The following ARHGEF9 variants were observed in gnomAD, a reference collection of about 807,000 sequenced individuals.
ARHGEF9 encodes the protein Cdc42 guanine nucleotide exchange factor 9.
A neutral mutation model predicts 41.3 loss-of-function variants in ARHGEF9; 2 were observed. That is an observed-to-expected ratio of 0.05 (90% CI 0.02 to 0.15). The LOEUF (loss-of-function observed/expected upper bound fraction) is 0.15. Among genes scored for constraint, ARHGEF9 ranks in the 10% least tolerant of loss-of-function variants. ARHGEF9 has a pLI of 1.00. For synonymous variants in ARHGEF9, 160 were observed against 154.4 expected, an observed-to-expected ratio of 1.04 and a Z score of -0.27; for missense variants, 225 against 424.7, an observed-to-expected ratio of 0.53 and a Z score of 4.13.
At position 63,779,161 on chromosome X, in the gene ARHGEF9, C is replaced by T. The variant is rs138288638; in HGVS notation, c.30+5955G>A. 7.6e-3 allele frequency among the ~76,000 whole-genome samples: 850 copies of T among 111,773 alleles called. 10 individuals are homozygous for T. The highest frequency in any genetic ancestry group is 0.026 in the African/African-American group (797 of 30,734). Reference sequence around the variant, plus strand: ...TTCTGAGCCCTCCAAACTGTTCCAACCTCTGCCCGTTACCCGGTTCCAAAG... The same window carrying T: ...TTCTGAGCCCTCCAAACTGTTCCAATCTCTGCCCGTTACCCGGTTCCAAAG... On this transcript the variant is annotated intron_variant, in intron 1 of 9. Transcript: ENST00000671741.
At chrX:63,731,192 C>T in intron 1 of ARHGEF9, among the ~76,000 whole-genome samples, 2 of 112,026 alleles carry the variant, frequency 1.8e-5, no homozygotes, top group Middle Eastern at 9.3e-3. Flanking sequence ...ATGAGGTTTT[C>T]TCAGGTTGGT....
chrX:63,769,494 G>A (rs1416946708), intron 1 of ARHGEF9, among the ~76,000 whole-genome samples: 7 of 112,162 alleles, frequency 6.2e-5, no homozygotes, highest in Non-Finnish European at 1.1e-4. Context: ...AGAAATTTGC[G>A]TAAGTAACAA....
In ARHGEF9 at chrX:63,645,021, C is replaced by T. The variant is rs1476276064; in HGVS notation, c.1322-973G>A. On this transcript the variant is annotated intron_variant, in intron 8 of 9. Coordinates refer to ENST00000671741, the MANE Select transcript of ARHGEF9 (RefSeq NM_001353921.2). ...AATTCCTGGGCTCAAACGATCCTCC[C>T]ACCTCAGCCTCCCAAAATGCTAGGA... 2.7e-5 allele frequency among the ~76,000 whole-genome samples: 3 copies of T among 109,781 alleles called. No homozygotes were observed. The Admixed American group carries it at 2.9e-4, about 11-fold the overall frequency.
rs782603591 is a variant in ARHGEF9 at position 63,685,058 on chromosome X, A to T, written c.583-6486T>A. On this transcript the variant is annotated intron_variant, in intron 4 of 9. Transcript: ENST00000671741. ...AAAGTCTAGAGATCTAACCTACAGCATGGGGACTAGAGTCAACATTATTGT... is the reference window on the plus strand; with the variant it reads ...AAAGTCTAGAGATCTAACCTACAGCTTGGGGACTAGAGTCAACATTATTGT... 2.7e-5 allele frequency among the ~76,000 whole-genome samples: 3 copies of T among 111,092 alleles called. No homozygotes were observed. The South Asian group carries it at 1.1e-3, about 42-fold the overall frequency.
rs782752298 is a variant in ARHGEF9, at chrX:63,645,941, C to T, written c.1322-1893G>A. 2.7e-5 allele frequency among the ~76,000 whole-genome samples: 3 copies of T among 112,022 alleles called. No homozygotes were observed. In the East Asian group the frequency reaches 8.5e-4, roughly 32 times the overall value. On this transcript the variant is annotated intron_variant, in intron 8 of 9. Coordinates refer to ENST00000671741, the MANE Select transcript of ARHGEF9 (RefSeq NM_001353921.2). Reference sequence around the variant, plus strand: ...CCATTCCAACTGGAGTGAGATGGTACCTCATTGTCGTTTTGATCTGCATTT... The same window carrying T: ...CCATTCCAACTGGAGTGAGATGGTATCTCATTGTCGTTTTGATCTGCATTT...
At chrX:63,653,592 A>G (rs1292069306) in intron 8 of ARHGEF9, among the ~76,000 whole-genome samples, 5 of 111,072 alleles carry the variant, frequency 4.5e-5, no homozygotes, top group African/African-American at 1.6e-4. Context: ...ACAAGGTAAT[A>G]TATATAATAT....
At chrX:63,755,324 C>T in intron 1 of ARHGEF9, 1 of 758,055 alleles carries the variant, frequency 1.3e-6, no homozygotes, top group Non-Finnish European at 1.7e-6. Flanking sequence ...CAAGCTCGCT[C>T]TCCCCAGACC....
At chrX:63,647,099 G>T (rs1157163695) in intron 8 of ARHGEF9, among the ~76,000 whole-genome samples, 6 of 111,991 alleles carry the variant, frequency 5.4e-5, no homozygotes, top group African/African-American at 1.9e-4. Flanking sequence ...AGACTTTGCT[G>T]AAGTTGCTTA....
chrX:63,691,216 A>C (rs2051325160), intron 4 of ARHGEF9, among the ~76,000 whole-genome samples: 1 of 111,629 alleles, frequency 9.0e-6, no homozygotes, highest in African/African-American at 3.2e-5. Flanking sequence ...CAGATGATAT[A>C]ATCTTATATT....
Position 63,674,102 on chromosome X carries a change from C to T in ARHGEF9, c.881G>A (p.Arg294His), listed in dbSNP as rs2050116764. The change falls in exon 6 of 10, where the codon CGC becomes CAC. Residue 294 changes from arginine to histidine, a missense_variant. Transcript: ENST00000671741. ...MRNVTQQINE[R>H]KRRLENIDKI... ...GTCAATATTCTCTAAACGTCGCTTG[C>T]GTTCGTTGATCTGCTGAGTCACATT... 8.3e-7 allele frequency: 1 copy of T among 1,210,725 alleles called. No homozygotes were observed. Among genetic ancestry groups the T allele is most frequent in the Non-Finnish European group, 1.1e-6 (1 of 894,776 alleles).
intron 1 of ARHGEF9, chrX:63,766,892 G>T: frequency 2.6e-6 from 1 of 383,705 alleles, no homozygotes. Flanking sequence ...AAACAATCAT[G>T]GGCCAGGAAA....
chrX:63,764,046 G>A (rs1309099199), intron 1 of ARHGEF9, among the ~76,000 whole-genome samples: 1 of 111,719 alleles, frequency 9.0e-6, no homozygotes, highest in Non-Finnish European at 1.9e-5. Context: ...ACAGAATGGA[G>A]GAACATTGTT....
At chrX:63,729,637 A>C (rs181700677) in intron 1 of ARHGEF9, among the ~76,000 whole-genome samples, 17 of 112,444 alleles carry the variant, frequency 1.5e-4, no homozygotes, top group Admixed American at 3.8e-4. Flanking sequence ...CCTATCATAA[A>C]GCCAGAAGAT....
chrX:63,674,134 G>A lies in ARHGEF9; in HGVS notation c.849C>T (p.Val283=). ...TGATCTGCTGAGTCACATTTCTCAT[G>A]ACAGCCAAAGCAGCTGCCACATACC... ...DYRYVAAALA[V]MRNVTQQINE... Residue 283 remains valine, a synonymous_variant, in exon 6 of 10, where the codon GTC becomes GTT. Coordinates refer to ENST00000671741, the MANE Select transcript of ARHGEF9 (RefSeq NM_001353921.2). 8.3e-7 allele frequency: 1 copy of A among 1,210,806 alleles called. No individual in the cohort carries two copies.
intron 6 of ARHGEF9, among the ~76,000 whole-genome samples, chrX:63,670,906 G>A (rs1556354762): frequency 3.6e-5 from 4 of 111,955 alleles, no homozygotes; most frequent in East Asian, 2.8e-4. Context: ...GAATGTTCAC[G>A]GAATAAGCTA....
intron 1 of ARHGEF9, among the ~76,000 whole-genome samples, chrX:63,774,153 T>C (rs2056251588): frequency 9.0e-6 from 1 of 110,604 alleles, no homozygotes. Context: ...CCTTTACTAA[T>C]ACAAGGTATT....
At position 63,776,500 on chromosome X, in the gene ARHGEF9, G is replaced by A. The variant is rs1375248981; in HGVS notation, c.30+8616C>T. On this transcript the variant is annotated intron_variant, in intron 1 of 9. Transcript: ENST00000671741. ...TACCACCAAACACTATTCTTCATTTGATATTTTCCTAACAATTTAAAAATG... is the reference window on the plus strand; with the variant it reads ...TACCACCAAACACTATTCTTCATTTAATATTTTCCTAACAATTTAAAAATG... Among the ~76,000 whole-genome samples, 6 of 111,920 alleles carry A rather than the reference G, an allele frequency of 5.4e-5. No individual in the cohort carries two copies. The East Asian group carries it at 1.7e-3, about 31-fold the overall frequency.
intron 3 of ARHGEF9, among the ~76,000 whole-genome samples, chrX:63,701,848 T>C (rs2052205279): frequency 1.8e-5 from 2 of 111,880 alleles, no homozygotes; most frequent in Admixed American, 9.5e-5. Flanking sequence ...GTAGGGCCTA[T>C]GGCAGGCAGA....
intron 2 of ARHGEF9, among the ~76,000 whole-genome samples, chrX:63,706,712 A>G (rs1323927431): frequency 1.8e-5 from 2 of 111,869 alleles, no homozygotes; most frequent in East Asian, 5.7e-4. Flanking sequence ...TCTAGGTAGC[A>G]CAACTGGATT....
Sources: gnomAD v4.1 joint callset for allele counts (sites outside exome capture counted in the v4.1 genomes callset) on GRCh38, gnomAD v4.1.1 for gene constraint, MANE v1.5 for transcripts, NCBI Gene and HGNC (gene_info 2026-07-23, HGNC 2026-07-21) for gene names.